The following ARMC9 variants were observed in gnomAD, a reference collection of about 807,000 sequenced individuals.
ARMC9 encodes the protein lisH domain-containing protein ARMC9.
Under a neutral mutation model 107.0 loss-of-function variants are expected in ARMC9, and 94 were observed. The observed-to-expected ratio is 0.88, with a 90% CI of 0.74 to 1.04. ARMC9 has a LOEUF of 1.04. Among genes scored for constraint, ARMC9 ranks in the 50% least tolerant of loss-of-function variants. The pLI is 0.00. For synonymous variants in ARMC9, 380 were observed against 396.9 expected, an observed-to-expected ratio of 0.96 and a Z score of 0.51; for missense variants, 942 against 1,030.1, an observed-to-expected ratio of 0.91 and a Z score of 1.17.
chr2:231,223,359 T>C (rs2034337633), intron 6 of ARMC9, among the ~76,000 whole-genome samples: 1 of 152,118 alleles, frequency 6.6e-6, no homozygotes, highest in South Asian at 2.1e-4. Flanking sequence ...CTTTTGAAAG[T>C]AAAAAGGGGC....
chr2:231,205,594 TAGAA>T (rs747866211), intron 1 of ARMC9, among the ~76,000 whole-genome samples: 46 of 152,320 alleles, frequency 3.0e-4, no homozygotes, highest in Non-Finnish European at 7.3e-5. Flanking sequence ...GGAGGGCTAG[TAGAA>T]AGAGTAGGAA....
At chr2:231,290,897 A>G (rs1370722438) in intron 17 of ARMC9, among the ~76,000 whole-genome samples, 5 of 151,742 alleles carry the variant, frequency 3.3e-5, no homozygotes, top group Admixed American at 2.0e-4. Flanking sequence ...TAGCTCCCAG[A>G]CCAACATATT....
chr2:231,287,193 A>G (rs897792399), intron 17 of ARMC9, among the ~76,000 whole-genome samples: 1 of 152,224 alleles, frequency 6.6e-6, no homozygotes, highest in Non-Finnish European at 1.5e-5. Context: ...CCTGGGGCCC[A>G]CAGCACAGGC....
intron 21 of ARMC9, among the ~76,000 whole-genome samples, chr2:231,351,214 A>G (rs976047872): frequency 6.7e-6 from 1 of 149,912 alleles, no homozygotes; most frequent in South Asian, 2.2e-4. Flanking sequence ...CGGCCTCCCA[A>G]AGTGCTGGGA....
chr2:231,252,930 AT>A (rs908535452), intron 9 of ARMC9, among the ~76,000 whole-genome samples: 4 of 151,226 alleles, frequency 2.6e-5, no homozygotes, highest in Admixed American at 6.6e-5. Flanking sequence ...GTGAACGGCT[AT>A]GCCCAGCTAG....
intron 1 of ARMC9, among the ~76,000 whole-genome samples, chr2:231,200,318 T>G (rs982101729): frequency 6.6e-6 from 1 of 152,228 alleles, no homozygotes; most frequent in African/African-American, 2.4e-5. Flanking sequence ...GTACCTTTCT[T>G]GCTTACTAGA....
At chr2:231,204,123 A>G (rs1189913246) in intron 1 of ARMC9, among the ~76,000 whole-genome samples, 1 of 146,972 alleles carries the variant, frequency 6.8e-6, no homozygotes, top group African/African-American at 2.5e-5. Flanking sequence ...GCAGTGAGCT[A>G]TGATCATGTC....
chr2:231,345,246 G>C, intron 21 of ARMC9, 156 bp downstream of exon 21: 1 of 1,375,886 alleles, frequency 7.3e-7, no homozygotes, highest in Non-Finnish European at 9.6e-7. Context: ...GAAAGAGGTT[G>C]AGTCCTTCTC....
intron 19 of ARMC9, among the ~76,000 whole-genome samples, chr2:231,306,834 T>C (rs772557591): frequency 2.5e-4 from 38 of 152,022 alleles, no homozygotes; most frequent in East Asian, 1.2e-3. Flanking sequence ...ATCTGGGCAG[T>C]GAGTCTTGAA....
chr2:231,217,072 G>A (rs2033590669), intron 5 of ARMC9, among the ~76,000 whole-genome samples: 1 of 152,064 alleles, frequency 6.6e-6, no homozygotes, highest in Admixed American at 6.6e-5. Context: ...CAAAAACTAG[G>A]AACAACCCAA....
At chr2:231,318,583 C>T (rs1340497558) in intron 19 of ARMC9, among the ~76,000 whole-genome samples, 4 of 152,132 alleles carry the variant, frequency 2.6e-5, no homozygotes, top group African/African-American at 9.7e-5. Context: ...TTCACACCTC[C>T]AGGCCCTGGG....
intron 20 of ARMC9, among the ~76,000 whole-genome samples, chr2:231,334,711 T>G (rs1382607624): frequency 6.6e-6 from 1 of 152,098 alleles, no homozygotes; most frequent in African/African-American, 2.4e-5. Context: ...CTGCCCCTGT[T>G]CATGAGTCAT....
chr2:231,364,814 GA>G (rs2045746772), intron 23 of ARMC9, among the ~76,000 whole-genome samples: 2 of 151,712 alleles, frequency 1.3e-5, no homozygotes, highest in African/African-American at 4.9e-5. Context: ...AAAAAAGAAA[GA>G]AAGAAAGTGG....
chr2:231,341,197 C>T (rs899179417), intron 20 of ARMC9, among the ~76,000 whole-genome samples: 31 of 152,200 alleles, frequency 2.0e-4, no homozygotes, highest in African/African-American at 7.5e-4. Context: ...GTCTAAAAAA[C>T]CTACACATAC....
At chr2:231,369,635 C>T (rs1367965095) in intron 23 of ARMC9, among the ~76,000 whole-genome samples, 19 of 149,070 alleles carry the variant, frequency 1.3e-4, no homozygotes, top group African/African-American at 2.2e-4. Flanking sequence ...TTGCTCTTGT[C>T]GCCCAGGCTG....
chr2:231,330,617 T>C (rs2043664679), intron 19 of ARMC9, among the ~76,000 whole-genome samples: 1 of 152,040 alleles, frequency 6.6e-6, no homozygotes, highest in Non-Finnish European at 1.5e-5. Context: ...CCTTCTCTGG[T>C]ATAGAGAACC....
intron 9 of ARMC9, among the ~76,000 whole-genome samples, chr2:231,249,420 T>G (rs2125390997): frequency 6.6e-6 from 1 of 151,916 alleles, no homozygotes; most frequent in Non-Finnish European, 1.5e-5. Flanking sequence ...ACCTTACACC[T>G]CCTGCTGGTT....
chr2:231,291,229 A>T, intron 17 of ARMC9, 124 bp from the exon 18 acceptor site: 1 of 714,900 alleles, frequency 1.4e-6, no homozygotes, highest in Non-Finnish European at 2.4e-6. Context: ...TCTGTCCCCC[A>T]CCCAAGGTAT....
At chr2:231,369,353 C>T (rs1015326960) in intron 23 of ARMC9, among the ~76,000 whole-genome samples, 1 of 149,908 alleles carries the variant, frequency 6.7e-6, no homozygotes, top group Admixed American at 6.6e-5. Flanking sequence ...AGTGCAGTGG[C>T]GTGATCTTGT....
Sources: gnomAD v4.1 joint callset for allele counts (sites outside exome capture counted in the v4.1 genomes callset) on GRCh38, gnomAD v4.1.1 for gene constraint, MANE v1.5 for transcripts, NCBI Gene and HGNC (gene_info 2026-07-23, HGNC 2026-07-21) for gene names.